Variants in RASGRP1 observed in about 807,000 individuals in gnomAD.
RASGRP1 encodes RAS guanyl-releasing protein 1.
Under a neutral mutation model 95.1 loss-of-function variants are expected in RASGRP1, and 37 were observed. That is an observed-to-expected ratio of 0.39 (90% CI 0.30 to 0.51). RASGRP1 has a LOEUF of 0.51. Ranked by LOEUF, RASGRP1 falls within the 20% of genes least tolerant of loss-of-function variation. The pLI, the probability that RASGRP1 is intolerant of heterozygous loss-of-function variation, is 0.80. For synonymous variants in RASGRP1, 325 were observed against 353.4 expected (o/e 0.92, Z 0.90); for missense variants, 711 against 965.4 (o/e 0.74, Z 3.49).
rs1890527386 is a variant in RASGRP1 at position 38,490,429 on chromosome 15, C to T, written c.*125G>A. ...AATCTTTTAGGTAAATAAACAGTAA[C>T]AGGCTTTTCCTTTTAAAGTACTGTT... On this transcript the variant is annotated 3_prime_UTR_variant, in exon 17 of 17. Transcript: ENST00000310803. 2 of 973,592 alleles carry T rather than the reference C, an allele frequency of 2.1e-6. No homozygotes were observed. Among genetic ancestry groups the T allele is most frequent in the Non-Finnish European group, 1.4e-6 (1 of 715,652 alleles). The allele number at this position is 973,592 out of a possible 1,614,324, so 60.3% of individuals were successfully genotyped here.
At chr15:38,490,862 C>T (rs544150320) in intron 16 of RASGRP1, among the ~76,000 whole-genome samples, 174 bp from the exon 17 acceptor site, 2 of 152,212 alleles carry the variant, frequency 1.3e-5, no homozygotes, top group African/African-American at 4.8e-5. Flanking sequence ...AAATATCAAA[C>T]GAGCATTTGT....
rs1429963367 is a variant in RASGRP1 at position 38,488,762 on chromosome 15, T to C, written c.*1792A>G. 2 of 151,952 alleles carry C rather than the reference T, an allele frequency of 1.3e-5. No homozygotes were observed. The highest frequency in any genetic ancestry group is 6.6e-5 in the Admixed American group (1 of 15,250). 9.4% of individuals were successfully genotyped at this position (151,952 alleles called of 1,614,324 possible). On this transcript the variant is annotated 3_prime_UTR_variant, in exon 17 of 17. Transcript: ENST00000310803. Reference sequence around the variant, plus strand: ...TATATCAATCAAAGGAAAACAAGAATAGTGAAGAATATGAATTTTTAGAGT... The same window carrying C: ...TATATCAATCAAAGGAAAACAAGAACAGTGAAGAATATGAATTTTTAGAGT...
At chr15:38,498,122 G>T (rs1405310938) in intron 15 of RASGRP1, among the ~76,000 whole-genome samples, 1 of 152,168 alleles carries the variant, frequency 6.6e-6, no homozygotes, top group Non-Finnish European at 1.5e-5. Context: ...GCTTCCTGCT[G>T]CTAAGTGACA....
At position 38,500,116 on chromosome 15, in the gene RASGRP1, T is replaced by C. The variant is rs746311312; in HGVS notation, c.1707A>G (p.Gly569=). The change falls in exon 14 of 17, where the codon GGA becomes GGG. Residue 569 remains glycine (G), a synonymous_variant. Transcript: ENST00000310803. ...AGFLWGVIKQ[G]YRCKDCGMNC... ...ATTGAGTCTTACCTTTACATCGATA[T>C]CCTTGTTTGATCACTCCCCAGAGCT... 2 of 1,613,118 alleles carry C rather than the reference T, an allele frequency of 1.2e-6. No homozygotes were observed. The highest frequency in any genetic ancestry group is 3.3e-5 in the Admixed American group (2 of 59,996).
chr15:38,559,129 A>G (rs1466613551), intron 2 of RASGRP1, among the ~76,000 whole-genome samples: 2 of 152,204 alleles, frequency 1.3e-5, no homozygotes, highest in Non-Finnish European at 2.9e-5. Context: ...TTCAATCACT[A>G]TTTCACAAAT....
At chr15:38,524,362 G>A (rs970470930) in intron 3 of RASGRP1, 2 of 152,274 alleles carry the variant, frequency 1.3e-5, no homozygotes, top group African/African-American at 4.8e-5. Flanking sequence ...CTGAGTAAGA[G>A]GAAAACCAGG....
At chr15:38,502,267 C>T (rs1375902600) in intron 12 of RASGRP1, 45 bp downstream of exon 12, 2 of 1,377,476 alleles carry the variant, frequency 1.5e-6, no homozygotes, top group Non-Finnish European at 2.0e-6. Context: ...AACCTATTCT[C>T]ACCAATGGGC....
At chr15:38,513,937 A>C (rs1891652114) in intron 6 of RASGRP1, among the ~76,000 whole-genome samples, 1 of 152,236 alleles carries the variant, frequency 6.6e-6, no homozygotes, top group African/African-American at 2.4e-5. Context: ...AGAGCCAGTG[A>C]GTGGTCTGCC....
rs960678222 is a variant in RASGRP1 at position 38,564,372 on chromosome 15, C to T, written c.35+222G>A. On this transcript the variant is annotated intron_variant, in intron 1 of 16. Transcript: ENST00000310803. ...GGACGAGCTCTGGCCTCGCGGCCGC[C>T]CCTCTACCACCCCTCAGCCCCAGCT... Among the ~76,000 whole-genome samples the T allele has an allele frequency of 1.7e-4, 26 of 152,234 alleles. No homozygotes were observed. The East Asian group carries it at 4.3e-3, about 25-fold the overall frequency.
chr15:38,493,932 C>T (rs1029369737), intron 16 of RASGRP1, among the ~76,000 whole-genome samples: 3 of 152,180 alleles, frequency 2.0e-5, no homozygotes, highest in African/African-American at 7.2e-5. Context: ...CCCTGATGAA[C>T]ATGTTAAAGA....
intron 15 of RASGRP1, among the ~76,000 whole-genome samples, chr15:38,497,256 G>A (rs532454773): frequency 5.3e-5 from 8 of 152,136 alleles, no homozygotes; most frequent in East Asian, 1.9e-4. Flanking sequence ...TGCCCCAACC[G>A]TCCCCAACAA....
intron 3 of RASGRP1, 109 bp downstream of exon 3, chr15:38,526,190 C>T: frequency 1.2e-6 from 1 of 831,724 alleles, no homozygotes; most frequent in Non-Finnish European, 2.0e-6. Flanking sequence ...AACCTATTTG[C>T]CACTCAGGGT....
At chr15:38,564,308 C>T (rs893009746) in intron 1 of RASGRP1, among the ~76,000 whole-genome samples, 2 of 152,246 alleles carry the variant, frequency 1.3e-5, no homozygotes, top group East Asian at 1.9e-4. Context: ...CGGGCGGGCG[C>T]CGGCTCCGCG....
intron 9 of RASGRP1, 144 bp downstream of exon 9, chr15:38,507,582 T>A: frequency 3.1e-6 from 3 of 959,686 alleles, no homozygotes; most frequent in Non-Finnish European, 4.5e-6. Context: ...TGCTTTAGTA[T>A]CCCTAGCTAT....
intron 2 of RASGRP1, among the ~76,000 whole-genome samples, chr15:38,555,097 C>T (rs1051150162): frequency 2.0e-5 from 3 of 152,184 alleles, no homozygotes; most frequent in African/African-American, 2.4e-5. Context: ...TCCTTTGTTA[C>T]GGAGAGGGCT....
At chr15:38,539,560 GTTT>G (rs1892784679) in intron 2 of RASGRP1, among the ~76,000 whole-genome samples, 8 of 141,470 alleles carry the variant, frequency 5.7e-5, no homozygotes, top group Admixed American at 1.4e-4. Flanking sequence ...TTTTTTTTTT[GTTT>G]TTATTTATTT....
At chr15:38,491,032 A>G (rs945933778) in intron 16 of RASGRP1, among the ~76,000 whole-genome samples, 1 of 152,214 alleles carries the variant, frequency 6.6e-6, no homozygotes, top group African/African-American at 2.4e-5. Context: ...GGTCTGAGCC[A>G]TGAAAGCATG....
At chr15:38,495,206 C>G (rs1335641365) in intron 15 of RASGRP1, among the ~76,000 whole-genome samples, 1 of 152,184 alleles carries the variant, frequency 6.6e-6, no homozygotes, top group Non-Finnish European at 1.5e-5. Context: ...GGTAAGTACT[C>G]TCTGGGAACC....
intron 3 of RASGRP1, among the ~76,000 whole-genome samples, chr15:38,520,058 C>T (rs1382793021): frequency 6.6e-6 from 1 of 152,108 alleles, no homozygotes; most frequent in Non-Finnish European, 1.5e-5. Context: ...AGCAAGATCT[C>T]ATCAAGTTCA....
Sources: gnomAD v4.1 joint callset for allele counts (sites outside exome capture counted in the v4.1 genomes callset) on GRCh38, gnomAD v4.1.1 for gene constraint, MANE v1.5 for transcripts, NCBI Gene and HGNC (gene_info 2026-07-23, HGNC 2026-07-21) for gene names.